The following FGF13 variants were observed in gnomAD, a reference collection of about 807,000 sequenced individuals.
FGF13 encodes the protein fibroblast growth factor 13.
FGF13 carries 2 observed loss-of-function variants against 19.5 expected under a neutral mutation model. The observed-to-expected ratio is 0.10, with a 90% CI of 0.04 to 0.32. FGF13 has a LOEUF of 0.32. Among genes scored for constraint, FGF13 ranks in the 10% least tolerant of loss-of-function variants. The pLI is 1.00. For synonymous variants in FGF13, 72 were observed against 76.9 expected, an observed-to-expected ratio of 0.94 and a Z score of 0.33; for missense variants, 113 against 192.7, an observed-to-expected ratio of 0.59 and a Z score of 2.45.
chrX:138,984,626 G>GGAGGAGGAGGAGGAA (rs2091984727), intron 1 of FGF13, among the ~76,000 whole-genome samples: 1 of 65,039 alleles, frequency 1.5e-5, no homozygotes, highest in African/African-American at 5.9e-5. Context: ...ATGAGGAAGA[G>GGAGGAGGAGGAGGAA]GAGGAGGAGG....
intron 3 of FGF13, among the ~76,000 whole-genome samples, chrX:138,800,803 T>A (rs901082056): frequency 8.9e-5 from 10 of 112,109 alleles, no homozygotes; most frequent in Non-Finnish European, 1.9e-4. Context: ...TTTTGTCTAA[T>A]CTTATCCTCA....
chrX:139,170,368 G>A (rs1268602601), intron 1 of FGF13, among the ~76,000 whole-genome samples: 1 of 111,486 alleles, frequency 9.0e-6, no homozygotes, highest in East Asian at 2.8e-4. Flanking sequence ...AGCCCTTGAA[G>A]TTGAAACCAC....
chrX:138,665,391 A>C (rs1358220178), intron 3 of FGF13, among the ~76,000 whole-genome samples: 5 of 111,528 alleles, frequency 4.5e-5, no homozygotes, highest in Non-Finnish European at 7.5e-5. Flanking sequence ...CAGTGTCCTT[A>C]CTGCAAGTGT....
chrX:138,771,081 C>CT (rs1257000908), intron 3 of FGF13, among the ~76,000 whole-genome samples: 8 of 111,642 alleles, frequency 7.2e-5, no homozygotes, highest in Middle Eastern at 4.6e-3. Flanking sequence ...ACCTCCACAG[C>CT]TTTTTCAGAC....
chrX:138,725,822 A>G (rs1439665151), intron 1 of FGF13, among the ~76,000 whole-genome samples: 2 of 111,805 alleles, frequency 1.8e-5, no homozygotes, highest in South Asian at 3.7e-4. Flanking sequence ...ATTATTGGTA[A>G]TGAACAAAGC....
At chrX:138,803,306 G>C (rs1173086960) in intron 3 of FGF13, among the ~76,000 whole-genome samples, 2 of 112,173 alleles carry the variant, frequency 1.8e-5, no homozygotes, top group East Asian at 5.6e-4. Flanking sequence ...ATGATTCAGA[G>C]GTGATCCAAC....
chrX:138,805,560 A>C (rs1435598072), intron 3 of FGF13, among the ~76,000 whole-genome samples: 2 of 111,816 alleles, frequency 1.8e-5, no homozygotes, highest in East Asian at 2.8e-4. Flanking sequence ...CAATCTAATC[A>C]ATCATCTGCT....
intron 1 of FGF13, among the ~76,000 whole-genome samples, chrX:138,899,133 T>C (rs1224563628): frequency 1.8e-5 from 2 of 111,629 alleles, no homozygotes; most frequent in Non-Finnish European, 3.8e-5. Flanking sequence ...TATTCAAGGC[T>C]AAGTCAGTTG....
intron 1 of FGF13, among the ~76,000 whole-genome samples, chrX:138,995,421 T>C (rs2092037640): frequency 8.9e-6 from 1 of 112,019 alleles, no homozygotes. Context: ...ACCCAGGTAC[T>C]AAACCCAGTA....
Position 138,696,404 on chromosome X carries a change from C to G in FGF13, c.402+6580G>C, listed in dbSNP as rs899867114. ...GTGATAAAAGTATTCTAGAATTACA[C>G]AGTGGTGATGGTTGGACAGCCTTGT... On this transcript the variant is annotated intron_variant, in intron 3 of 4. Transcript: ENST00000315930. Among the ~76,000 whole-genome samples the G allele has an allele frequency of 8.9e-5, 10 of 111,732 alleles. No individual in the cohort carries two copies. In the Admixed American group the frequency reaches 9.5e-4, roughly 11 times the overall value.
At chrX:139,199,778 A>G (rs1194331113) in intron 1 of FGF13, among the ~76,000 whole-genome samples, 1 of 111,751 alleles carries the variant, frequency 8.9e-6, no homozygotes, top group Non-Finnish European at 1.9e-5. Context: ...CTCCAGACCT[A>G]GGACACATAC....
intron 3 of FGF13, among the ~76,000 whole-genome samples, chrX:138,764,710 C>G (rs779259421): frequency 2.5e-3 from 281 of 112,046 alleles, no homozygotes; most frequent in Non-Finnish European, 4.1e-3. Context: ...GGCTGCAAAC[C>G]CTAAAATATT....
At chrX:138,900,600 C>A (rs1182905993) in intron 1 of FGF13, among the ~76,000 whole-genome samples, 1 of 111,623 alleles carries the variant, frequency 9.0e-6, no homozygotes, top group Non-Finnish European at 1.9e-5. Context: ...TATATCTCCC[C>A]TTCTGCATTT....
At chrX:138,638,890 C>CA (rs1330875644) in intron 3 of FGF13, among the ~76,000 whole-genome samples, 1 of 111,203 alleles carries the variant, frequency 9.0e-6, no homozygotes, top group Non-Finnish European at 1.9e-5. Flanking sequence ...TGAAAAATGG[C>CA]AAGGAAGGAC....
chrX:139,059,518 C>T (rs1440190427), intron 1 of FGF13, among the ~76,000 whole-genome samples: 2 of 111,421 alleles, frequency 1.8e-5, no homozygotes, highest in East Asian at 5.7e-4. Flanking sequence ...TTGTCAGGCA[C>T]GAGGAGACAG....
intron 3 of FGF13, chrX:138,806,319 GC>G (rs2090866911): frequency 8.9e-6 from 1 of 112,290 alleles, no homozygotes; most frequent in Admixed American, 9.5e-5. Flanking sequence ...AGTGGAGCCA[GC>G]AAAATCTGCC....
chrX:138,908,196 G>A (rs1325633403), intron 1 of FGF13, among the ~76,000 whole-genome samples: 6 of 104,648 alleles, frequency 5.7e-5, no homozygotes, highest in Non-Finnish European at 1.2e-4. Context: ...TCAGCCTCCC[G>A]AGTAACTGGG....
intron 1 of FGF13, among the ~76,000 whole-genome samples, chrX:139,182,530 A>G: frequency 8.9e-6 from 1 of 112,153 alleles, no homozygotes; most frequent in Non-Finnish European, 1.9e-5. Flanking sequence ...AATGACAGCA[A>G]GGCAGGAGAA....
chrX:139,013,718 T>C (rs2092141422), intron 1 of FGF13, among the ~76,000 whole-genome samples: 1 of 106,786 alleles, frequency 9.4e-6, no homozygotes. Context: ...ATATTGGACT[T>C]TGGGGACTTG....
Sources: allele counts gnomAD v4.1 joint callset (sites outside exome capture counted in the v4.1 genomes callset), GRCh38; gene constraint gnomAD v4.1.1; transcripts MANE v1.5; gene names NCBI Gene and HGNC (gene_info 2026-07-23, HGNC 2026-07-21).